CACNA1D: variants seen among roughly 807,000 people sequenced by gnomAD.
The protein encoded by CACNA1D is calcium voltage-gated channel subunit alpha1 D, also known as voltage-dependent L-type calcium channel subunit alpha-1D.
In CACNA1D, 55 loss-of-function variants were observed where a neutral mutation model predicts 257.1. The observed-to-expected ratio is 0.21, with a 90% CI of 0.17 to 0.27. The LOEUF (loss-of-function observed/expected upper bound fraction) is 0.27. CACNA1D is among the 10% of genes least tolerant of loss of function. The probability of loss-of-function intolerance (pLI) is 1.00; values close to 1 mark genes in which losing one functional copy is unlikely to be tolerated. For synonymous variants in CACNA1D, 980 were observed against 1,014.9 expected (o/e 0.97, Z 0.65); for missense variants, 1,876 against 2,784.0 (o/e 0.67, Z 7.34).
chr3:53,515,825 C>T (rs1379587931), intron 3 of CACNA1D, among the ~76,000 whole-genome samples: 1 of 152,212 alleles, frequency 6.6e-6, no homozygotes, highest in Non-Finnish European at 1.5e-5. Flanking sequence ...GGCGATTTTG[C>T]AAGGGAACCC....
rs534548827 is a variant in CACNA1D at position 53,671,386 on chromosome 3, G to A, written c.1117-1637G>A. On this transcript the variant is annotated intron_variant, in intron 7 of 47. Transcript: ENST00000350061. The stretch of plus-strand genomic sequence containing the variant: ...CATGCACCTCTGTTCCAACACAGAG[G>A]GAAACAAGCCCAGGTGGGGCTCTGT... Among the ~76,000 whole-genome samples the A allele has an allele frequency of 6.6e-5, 10 of 152,326 alleles. No individual in the cohort carries two copies. In the East Asian group the frequency reaches 9.7e-4, roughly 15 times the overall value.
At chr3:53,505,151 C>T (rs1279991567) in intron 3 of CACNA1D, among the ~76,000 whole-genome samples, 1 of 147,554 alleles carries the variant, frequency 6.8e-6, no homozygotes, top group Non-Finnish European at 1.5e-5. Context: ...CTCTGTTGCC[C>T]AGGCTGGAGT....
chr3:53,549,747 A>G (rs958004231), intron 3 of CACNA1D, among the ~76,000 whole-genome samples: 4 of 152,106 alleles, frequency 2.6e-5, no homozygotes, highest in Non-Finnish European at 5.9e-5. Flanking sequence ...TTTTTCCTTC[A>G]TATTCACCAT....
At chr3:53,629,485 G>A (rs1363249127) in intron 3 of CACNA1D, among the ~76,000 whole-genome samples, 1 of 152,262 alleles carries the variant, frequency 6.6e-6, no homozygotes, top group Non-Finnish European at 1.5e-5. Flanking sequence ...ATTGAGATGA[G>A]GTTGTGGTGA....
chr3:53,689,207 G>A (rs115972184), intron 8 of CACNA1D, among the ~76,000 whole-genome samples: 200 of 152,248 alleles, frequency 1.3e-3, no homozygotes, highest in African/African-American at 4.6e-3. Context: ...GAAGCAAGTT[G>A]TCAGGAGAGT....
intron 9 of CACNA1D, among the ~76,000 whole-genome samples, chr3:53,707,563 G>A (rs2094703951): frequency 6.6e-6 from 1 of 152,100 alleles, no homozygotes; most frequent in Non-Finnish European, 1.5e-5. Flanking sequence ...TAACTGAATG[G>A]ACAAAATTCC....
intron 9 of CACNA1D, 118 bp downstream of exon 9, chr3:53,702,928 A>G (rs1400741323): frequency 9.5e-7 from 1 of 1,052,060 alleles, no homozygotes; most frequent in Non-Finnish European, 1.4e-6. Flanking sequence ...CCTCCCAGCC[A>G]TCTGGTCCCT....
chr3:53,563,941 G>A (rs188193125), intron 3 of CACNA1D, among the ~76,000 whole-genome samples: 30 of 152,214 alleles, frequency 2.0e-4, no homozygotes, highest in Admixed American at 1.8e-3. Context: ...AGCTTTATTG[G>A]ATGATGCCTA....
At chr3:53,504,082 C>A (rs1005333190) in intron 3 of CACNA1D, among the ~76,000 whole-genome samples, 2 of 151,664 alleles carry the variant, frequency 1.3e-5, no homozygotes, top group African/African-American at 2.4e-5. Flanking sequence ...TACATTTGAC[C>A]CAATTTGTAC....
chr3:53,789,560 A>G lies in CACNA1D; in HGVS notation c.4923+2608A>G, dbSNP rs1378284487. Among the ~76,000 whole-genome samples the G allele has an allele frequency of 6.6e-6, 1 of 152,252 alleles. No homozygotes were observed. The highest frequency in any genetic ancestry group is 1.5e-5 in the Non-Finnish European group (1 of 68,042). ...GATATACCACCAGTGTAACTAGGAC[A>G]AGGACACAGCCTCGGGAAGCCCCTG... is the stretch of plus-strand genomic sequence containing the variant. On this transcript the variant is annotated intron_variant, in intron 40 of 47. Transcript: ENST00000350061. The surrounding 1 kb of genome is among the most constrained non-coding windows in gnomAD (Gnocchi z 4.2).
chr3:53,566,761 C>A (rs188588714), intron 3 of CACNA1D, among the ~76,000 whole-genome samples: 1 of 152,208 alleles, frequency 6.6e-6, no homozygotes, highest in East Asian at 1.9e-4. Flanking sequence ...GCTCCTGCGG[C>A]AGCTTGCTTG....
chr3:53,575,518 A>G, intron 3 of CACNA1D, among the ~76,000 whole-genome samples: 1 of 152,176 alleles, frequency 6.6e-6, no homozygotes, highest in East Asian at 1.9e-4. Context: ...CTTTCCCACT[A>G]GAGATACGAG....
At chr3:53,694,775 G>A (rs146014493) in intron 8 of CACNA1D, among the ~76,000 whole-genome samples, 109 of 152,256 alleles carry the variant, frequency 7.2e-4, no homozygotes, top group African/African-American at 2.5e-3. Flanking sequence ...AACCCAGGTC[G>A]CTTTCCCCAG....
chr3:53,729,953 A>T (rs912755207), intron 15 of CACNA1D, among the ~76,000 whole-genome samples: 4 of 152,242 alleles, frequency 2.6e-5, no homozygotes, highest in African/African-American at 9.6e-5. Flanking sequence ...TGTCTTGTGC[A>T]AGGGCATCAT....
chr3:53,809,687 T>C, intron 46 of CACNA1D: 1 of 477,242 alleles, frequency 2.1e-6, no homozygotes, highest in East Asian at 4.0e-5. Flanking sequence ...TTGTTGGGCT[T>C]CCCTGATTCT....
intron 11 of CACNA1D, among the ~76,000 whole-genome samples, chr3:53,721,272 A>G (rs2094880233): frequency 6.6e-6 from 1 of 152,186 alleles, no homozygotes; most frequent in African/African-American, 2.4e-5. Flanking sequence ...TTCTCTGCTC[A>G]CTTCCTGGGT....
At chr3:53,641,306 G>A (rs1050405785) in intron 3 of CACNA1D, among the ~76,000 whole-genome samples, 1 of 152,120 alleles carries the variant, frequency 6.6e-6, no homozygotes, top group Non-Finnish European at 1.5e-5. Flanking sequence ...CTCCGGACAC[G>A]ATTAGCTGCT....
At chr3:53,534,248 C>T (rs988502657) in intron 3 of CACNA1D, among the ~76,000 whole-genome samples, 1 of 152,182 alleles carries the variant, frequency 6.6e-6, no homozygotes, top group Non-Finnish European at 1.5e-5. Context: ...GGGCAGGCCT[C>T]GCCTCCCTGC....
In CACNA1D at chr3:53,810,041, C is replaced by A; in HGVS notation, c.5935C>A (p.Arg1979=). The change falls in exon 47 of 48, where the codon CGG becomes AGG. Residue 1979 remains arginine (R), a synonymous_variant. Transcript: ENST00000350061. ...GAAGTACTCACCGAGTCACTCGACCCGGTCGTGGGCCACCCCTCCAGCAAC... is the reference window on the plus strand; with the variant it reads ...GAAGTACTCACCGAGTCACTCGACCAGGTCGTGGGCCACCCCTCCAGCAAC... ...AQKYSPSHST[R]SWATPPATPP... The A allele has an allele frequency of 6.2e-7, 1 of 1,614,014 alleles. No individual in the cohort carries two copies. The highest frequency in any genetic ancestry group is 2.2e-5 in the East Asian group (1 of 44,874).
Sources: allele counts gnomAD v4.1 joint callset (sites outside exome capture counted in the v4.1 genomes callset), GRCh38; gene constraint gnomAD v4.1.1; non-coding constraint Gnocchi (gnomAD v3.1); transcripts MANE v1.5; gene names NCBI Gene and HGNC (gene_info 2026-07-23, HGNC 2026-07-21).